NALCN: variants seen among roughly 807,000 people sequenced by gnomAD.
NALCN encodes the protein sodium leak channel, non-selective.
NALCN carries 111 observed loss-of-function variants against 225.3 expected under a neutral mutation model. The observed-to-expected ratio is 0.49, with a 90% CI of 0.42 to 0.58. The LOEUF (loss-of-function observed/expected upper bound fraction) is 0.58. Ranked by LOEUF, NALCN falls within the 20% of genes least tolerant of loss-of-function variation. The pLI is 0.00. For missense variants in NALCN, 1,378 were observed against 2,202.4 expected, an observed-to-expected ratio of 0.63 and a Z score of 7.49; for synonymous variants, 764 against 769.0, an observed-to-expected ratio of 0.99 and a Z score of 0.11.
At chr13:101,407,842 G>A (rs2139543391) in intron 1 of NALCN, among the ~76,000 whole-genome samples, 1 of 152,266 alleles carries the variant, frequency 6.6e-6, no homozygotes, top group East Asian at 1.9e-4. Context: ...AAGATGATGT[G>A]TTTTATTTAT....
Position 101,144,761 on chromosome 13 carries a change from T to C in NALCN, c.1975A>G (p.Arg659Gly). Residue 659 changes from arginine (R) to glycine (G), a missense_variant and splice_region_variant, in exon 16 of 44, where the codon AGG (arginine) becomes GGG (glycine). Transcript: ENST00000251127. ...GCAATTAAAGAAGTATTTTGGTACC[T>C]GATTTTAGGAACTGTAAAATCTGAA... Reference protein sequence around the residue: ...LPSDFTVPKIRESFMKQFIDR... With the variant: ...LPSDFTVPKIGESFMKQFIDR... 1.9e-6 allele frequency: 3 copies of C among 1,604,858 alleles called. No individual in the cohort carries two copies. Among genetic ancestry groups the C allele is most frequent in the Non-Finnish European group, 2.5e-6 (3 of 1,177,352 alleles).
At chr13:101,074,038 G>A (rs1490302635) in intron 36 of NALCN, among the ~76,000 whole-genome samples, 1 of 151,558 alleles carries the variant, frequency 6.6e-6, no homozygotes, top group Non-Finnish European at 1.5e-5. Flanking sequence ...GTTGTATCAG[G>A]ACTTGAAAAA....
intron 20 of NALCN, among the ~76,000 whole-genome samples, chr13:101,109,104 A>G (rs940796193): frequency 2.0e-5 from 3 of 152,192 alleles, no homozygotes; most frequent in Non-Finnish European, 4.4e-5. Context: ...ATTCTTAAGT[A>G]GGTTGTACAT....
intron 15 of NALCN, among the ~76,000 whole-genome samples, chr13:101,172,953 T>TA (rs1402297238): frequency 6.6e-6 from 1 of 152,158 alleles, no homozygotes; most frequent in Non-Finnish European, 1.5e-5. Flanking sequence ...TTAACACAGT[T>TA]AAAAACATAT....
At chr13:101,160,854 TC>T (rs1467195558) in intron 15 of NALCN, among the ~76,000 whole-genome samples, 1 of 152,178 alleles carries the variant, frequency 6.6e-6, no homozygotes, top group African/African-American at 2.4e-5. Flanking sequence ...ATTAGCTGGA[TC>T]GACCAAATCT....
At chr13:101,256,971 G>T (rs2042252222) in intron 11 of NALCN, among the ~76,000 whole-genome samples, 1 of 151,966 alleles carries the variant, frequency 6.6e-6, no homozygotes, top group Non-Finnish European at 1.5e-5. Flanking sequence ...CACCATGTTG[G>T]CCAGGCTTGT....
intron 7 of NALCN, among the ~76,000 whole-genome samples, chr13:101,334,360 G>GGTT: frequency 2.2e-5 from 2 of 90,418 alleles, no homozygotes; most frequent in Non-Finnish European, 2.1e-5. Flanking sequence ...CAGGAGATGG[G>GGTT]GGTAGGGGGA....
intron 13 of NALCN, 116 bp from the exon 14 acceptor site, chr13:101,192,170 G>T: frequency 2.6e-6 from 3 of 1,163,356 alleles, no homozygotes; most frequent in Non-Finnish European, 3.5e-6. Flanking sequence ...TATCTGATCA[G>T]GGCAAGAACA....
chr13:101,129,932 A>T (rs2036435129), intron 17 of NALCN, among the ~76,000 whole-genome samples: 1 of 148,124 alleles, frequency 6.8e-6, no homozygotes, highest in African/African-American at 2.5e-5. Flanking sequence ...ATATGTTCTC[A>T]TTGTTCAATT....
chr13:101,389,528 G>A (rs1158011680), intron 3 of NALCN, among the ~76,000 whole-genome samples: 1 of 152,192 alleles, frequency 6.6e-6, no homozygotes, highest in African/African-American at 2.4e-5. Context: ...ACTGGGGCCA[G>A]TGGGTAAGAA....
intron 41 of NALCN, 35 bp from the exon 42 acceptor site, chr13:101,060,002 G>A: frequency 5.0e-6 from 8 of 1,608,170 alleles, no homozygotes; most frequent in Non-Finnish European, 6.8e-6. Context: ...AGTAAAATAA[G>A]CCCAGCATCC....
intron 28 of NALCN, 65 bp downstream of exon 28, chr13:101,095,509 C>G (rs1203095042): frequency 1.5e-6 from 2 of 1,317,094 alleles, no homozygotes; most frequent in East Asian, 2.3e-5. Flanking sequence ...CCATATGATA[C>G]TTATTTAAAG....
chr13:101,369,037 T>C (rs777419020), intron 6 of NALCN: 13 of 343,324 alleles, frequency 3.8e-5, no homozygotes, highest in Non-Finnish European at 6.9e-5. Context: ...ATATTATTGA[T>C]AGATTCTTGA....
At chr13:101,083,486 T>C (rs2033768863) in intron 31 of NALCN, among the ~76,000 whole-genome samples, 1 of 152,198 alleles carries the variant, frequency 6.6e-6, no homozygotes, top group Non-Finnish European at 1.5e-5. Context: ...ATTTAAAAAT[T>C]CATTTTTTCA....
chr13:101,153,655 C>G (rs74517157), intron 15 of NALCN, among the ~76,000 whole-genome samples: 1 of 152,166 alleles, frequency 6.6e-6, no homozygotes, highest in Non-Finnish European at 1.5e-5. Flanking sequence ...TGGGGCTGCT[C>G]TTGGCAAAGT....
intron 11 of NALCN, among the ~76,000 whole-genome samples, chr13:101,245,190 C>T (rs2041858115): frequency 6.6e-6 from 1 of 152,172 alleles, no homozygotes; most frequent in African/African-American, 2.4e-5. Context: ...CATTGGGACC[C>T]TTCTTCTGTT....
At chr13:101,167,018 T>G (rs1173972618) in intron 15 of NALCN, among the ~76,000 whole-genome samples, 1 of 152,238 alleles carries the variant, frequency 6.6e-6, no homozygotes, top group African/African-American at 2.4e-5. Flanking sequence ...GAAGATCATG[T>G]GACTATATAT....
At chr13:101,201,807 T>A (rs564287109) in intron 13 of NALCN, among the ~76,000 whole-genome samples, 1 of 152,304 alleles carries the variant, frequency 6.6e-6, no homozygotes, top group South Asian at 2.1e-4. Flanking sequence ...ATCAACTTTT[T>A]AAATCTTTAA....
At chr13:101,349,685 T>A (rs1023488446) in intron 6 of NALCN, among the ~76,000 whole-genome samples, 1 of 152,206 alleles carries the variant, frequency 6.6e-6, no homozygotes, top group African/African-American at 2.4e-5. Context: ...CATGAGCTGC[T>A]CTGAGCTCTG....
Sources: gnomAD v4.1 joint callset for allele counts (sites outside exome capture counted in the v4.1 genomes callset) on GRCh38, gnomAD v4.1.1 for gene constraint, MANE v1.5 for transcripts, NCBI Gene and HGNC (gene_info 2026-07-23, HGNC 2026-07-21) for gene names.